Variants in MTFR1L observed in about 807,000 individuals in gnomAD.
The protein encoded by MTFR1L is mitochondrial fission regulator 1-like.
MTFR1L carries 10 observed loss-of-function variants against 27.9 expected under a neutral mutation model. The ratio of observed to expected loss-of-function variants is 0.36; its 90% CI spans 0.22 to 0.61. The LOEUF is 0.61. Ranked by LOEUF, MTFR1L falls within the 20% of genes least tolerant of loss-of-function variation. The pLI, the probability that MTFR1L is intolerant of heterozygous loss-of-function variation, is 0.73. For synonymous variants in MTFR1L, 151 were observed against 139.4 expected (o/e 1.08, Z -0.58); for missense variants, 315 against 363.7 (o/e 0.87, Z 1.09).
chr1:25,826,082 G>C lies in MTFR1L; in HGVS notation c.130-220G>C. On this transcript the variant is annotated intron_variant, in intron 3 of 6. Coordinates refer to ENST00000374303, the MANE Select transcript of MTFR1L (RefSeq NM_001099625.2). The surrounding 1 kb of genome is among the most constrained non-coding windows in gnomAD (Gnocchi z 4.1). ...ACTCTTGGTCTCAAGCATTCTGCCT[G>C]CCTCGGCCTCCCAAATGCTGGGATT... 2.0e-6 allele frequency: 1 copy of C among 496,696 alleles called. No individual in the cohort carries two copies. Among genetic ancestry groups the C allele is most frequent in the Non-Finnish European group, 3.6e-6 (1 of 274,260 alleles). The allele number at this position is 496,696 out of a possible 1,614,324, so 30.8% of individuals were successfully genotyped here.
intron 2 of MTFR1L, chr1:25,823,381 C>A: frequency 1.4e-6 from 1 of 719,630 alleles, no homozygotes; most frequent in Non-Finnish European, 2.5e-6. Context: ...TCTCTACACT[C>A]AGCTACTTCC....
chr1:25,831,629 C>A (rs1046763649), intron 6 of MTFR1L, among the ~76,000 whole-genome samples: 1 of 151,888 alleles, frequency 6.6e-6, no homozygotes, highest in East Asian at 1.9e-4. Flanking sequence ...TTACTTTGCC[C>A]ATACTTTATA....
intron 3 of MTFR1L, among the ~76,000 whole-genome samples, chr1:25,824,904 A>G (rs1270877172): frequency 6.6e-6 from 1 of 152,114 alleles, no homozygotes. Context: ...GCTCTCACAG[A>G]GCAGGAATGT....
intron 5 of MTFR1L, among the ~76,000 whole-genome samples, chr1:25,828,711 C>A (rs1572251695): frequency 6.6e-6 from 1 of 152,200 alleles, no homozygotes; most frequent in South Asian, 2.1e-4. Flanking sequence ...AGGTGGATCG[C>A]TCCCAAGATG....
rs1274430875 is a variant in MTFR1L at position 25,832,913 on chromosome 1, A to G, written c.*887A>G. Reference sequence around the variant, plus strand: ...TGTTTGGGTTGAAGCACTACCTGACATTAAAGGAAGGACTTGGAGAGAGAA... The same window carrying G: ...TGTTTGGGTTGAAGCACTACCTGACGTTAAAGGAAGGACTTGGAGAGAGAA... On this transcript the variant is annotated 3_prime_UTR_variant, in exon 7 of 7. Transcript: ENST00000374303. 6.6e-6 allele frequency: 1 copy of G among 152,428 alleles called. No individual in the cohort carries two copies. Among genetic ancestry groups the G allele is most frequent in the Admixed American group, 6.5e-5 (1 of 15,276 alleles). 9.4% of individuals were successfully genotyped at this position (152,428 alleles called of 1,614,324 possible). A position where few individuals can be genotyped will look rare whatever the true frequency, so the allele number is the denominator to read the frequency against.
chr1:25,829,429 T>G, intron 5 of MTFR1L, 80 bp from the exon 6 acceptor site: 1 of 1,272,062 alleles, frequency 7.9e-7, no homozygotes, highest in Non-Finnish European at 1.1e-6. Flanking sequence ...GAATGTTCAG[T>G]AGGCAGGGCT....
At position 25,832,407 on chromosome 1, in the gene MTFR1L, T is replaced by TCG. The variant is rs2048257548; in HGVS notation, c.*382_*383insGC. On this transcript the variant is annotated 3_prime_UTR_variant, in exon 7 of 7. Coordinates refer to ENST00000374303, the MANE Select transcript of MTFR1L (RefSeq NM_001099625.2). ...AAGACACTTTGTGCCCAGCTGTCAC[T>TCG]CACTCAGCAGCTTCCTTGCAGCAGA... is the stretch of plus-strand genomic sequence containing the variant. The TCG allele has an allele frequency of 4.6e-6, 2 of 437,362 alleles. No homozygotes were observed. The highest frequency in any genetic ancestry group is 9.7e-5 in the Admixed American group (2 of 20,676). The allele number at this position is 437,362 out of a possible 1,614,324, so 27.1% of individuals were successfully genotyped here.
At position 25,826,425 on chromosome 1, in the gene MTFR1L, T is replaced by C. The variant is rs767246551; in HGVS notation, c.239+14T>C. 1 of 1,613,370 alleles carries C rather than the reference T, an allele frequency of 6.2e-7. No individual in the cohort carries two copies. Among genetic ancestry groups the C allele is most frequent in the South Asian group, 1.1e-5 (1 of 91,064 alleles). ...TGCCCGGGTCAGGTAGTTGAGGCAG[T>C]AGCTGGTCTGCTAAGGAATGGAGAA... On this transcript the variant is annotated intron_variant, in intron 4 of 6. Transcript: ENST00000374303. This position sits in a 1 kb window ranked among gnomAD's most constrained non-coding sequence, Gnocchi z 4.1.
At chr1:25,820,551 G>C (rs1442458692) in intron 1 of MTFR1L, 1 of 359,664 alleles carries the variant, frequency 2.8e-6, no homozygotes, top group Non-Finnish European at 5.3e-6. Flanking sequence ...GGGCCCCCGG[G>C]ACCAGGGGTG....
chr1:25,821,765 C>G (rs1184881025), intron 1 of MTFR1L: 2 of 152,386 alleles, frequency 1.3e-5, no homozygotes, highest in Non-Finnish European at 2.9e-5. Flanking sequence ...ATTTCCTACT[C>G]CCTCGCAACT....
Position 25,829,438 on chromosome 1 carries a change from C to T in MTFR1L, c.452-71C>T, listed in dbSNP as rs923246367. The T allele has an allele frequency of 1.0e-5, 14 of 1,344,572 alleles. No individual in the cohort carries two copies. In the African/African-American group the frequency reaches 1.9e-4, roughly 18 times the overall value. The allele number at this position is 1,344,572 out of a possible 1,614,324, so 83.3% of individuals were successfully genotyped here. A position where few individuals can be genotyped will look rare whatever the true frequency, so the allele number is the denominator to read the frequency against. On this transcript the variant is annotated intron_variant, in intron 5 of 6. Coordinates refer to ENST00000374303, the MANE Select transcript of MTFR1L (RefSeq NM_001099625.2). Reference sequence around the variant, plus strand: ...GGAAATGAATGTTCAGTAGGCAGGGCTGTGGGGAGAAGATATTGCTACTGT... The same window carrying T: ...GGAAATGAATGTTCAGTAGGCAGGGTTGTGGGGAGAAGATATTGCTACTGT...
At chr1:25,822,817 C>T (rs1199501266) in intron 1 of MTFR1L, 6 of 603,546 alleles carry the variant, frequency 9.9e-6, no homozygotes, top group African/African-American at 1.9e-5. Flanking sequence ...TGAGCCACTG[C>T]GCCTGGCCGC....
chr1:25,829,605 CCTTT>C lies in MTFR1L; in HGVS notation c.549_552del (p.Phe184SerfsTer58). ...GGATCCTCATTCCACTCTACAACTT[CCTTT>C]GTCATTAGTGACATCACCGAGGAGA... On this transcript the variant is annotated frameshift_variant, in exon 6 of 7. Coordinates refer to ENST00000374303, the MANE Select transcript of MTFR1L (RefSeq NM_001099625.2). LOFTEE classifies it high-confidence loss of function. The C allele has an allele frequency of 1.2e-6, 2 of 1,614,236 alleles. No homozygotes were observed. Among genetic ancestry groups the C allele is most frequent in the Non-Finnish European group, 1.7e-6 (2 of 1,180,048 alleles).
chr1:25,825,633 G>T (rs2048157363), intron 3 of MTFR1L: 1 of 152,188 alleles, frequency 6.6e-6, no homozygotes, highest in Admixed American at 6.5e-5. Context: ...CTGTAACAAT[G>T]TAGATCTCAA....
Position 25,831,934 on chromosome 1 carries a change from T to C in MTFR1L, c.787T>C (p.Leu263=), listed in dbSNP as rs1339542360. 5.0e-6 allele frequency: 8 copies of C among 1,614,024 alleles called. No homozygotes were observed. The highest frequency in any genetic ancestry group is 1.3e-5 in the African/African-American group (1 of 74,914). The change falls in exon 7 of 7, where the codon TTG becomes CTG. Residue 263 remains leucine (L), a synonymous_variant. Transcript: ENST00000374303. ...TTGTGTCTCTAGGAACCGGAGTTTATTGAAGGAGGAAGACCCTGCTGTGCT... is the reference window on the plus strand; with the variant it reads ...TTGTGTCTCTAGGAACCGGAGTTTACTGAAGGAGGAAGACCCTGCTGTGCT... ...KQSQDLNRSL[L]KEEDPAVLIS...
In MTFR1L at chr1:25,826,477, A is replaced by G; in HGVS notation, c.239+66A>G. 1 of 1,591,978 alleles carries G rather than the reference A, an allele frequency of 6.3e-7. No homozygotes were observed. Among genetic ancestry groups the G allele is most frequent in the East Asian group, 2.2e-5 (1 of 44,746 alleles). On this transcript the variant is annotated intron_variant, in intron 4 of 6. Transcript: ENST00000374303. The surrounding 1 kb of genome is among the most constrained non-coding windows in gnomAD (Gnocchi z 4.1). The stretch of plus-strand genomic sequence containing the variant: ...TTCCCAGAAGAGGTGGCAGGCAGCA[A>G]GGAGAGAGGAATGAGAACTGTGGGC...
Position 25,832,050 on chromosome 1 carries a change from G to A in MTFR1L, c.*24G>A. On this transcript the variant is annotated 3_prime_UTR_variant, in exon 7 of 7. Transcript: ENST00000374303. ...GACAACCCTCAGCTCTGCAAACTCA[G>A]TCTCATGCTCCTGGAATACCTTCAA... is the stretch of plus-strand genomic sequence containing the variant. 1 of 1,614,010 alleles carries A rather than the reference G, an allele frequency of 6.2e-7. No homozygotes were observed. Among genetic ancestry groups the A allele is most frequent in the Non-Finnish European group, 8.5e-7 (1 of 1,179,950 alleles).
intron 6 of MTFR1L, among the ~76,000 whole-genome samples, chr1:25,830,724 A>G (rs2048227836): frequency 6.6e-6 from 1 of 152,176 alleles, no homozygotes; most frequent in African/African-American, 2.4e-5. Flanking sequence ...CTGAGTTGAT[A>G]AAGTTCTTGT....
chr1:25,831,894 G>T (rs1275742039), intron 6 of MTFR1L, 27 bp from the exon 7 acceptor site: 1 of 1,564,622 alleles, frequency 6.4e-7, no homozygotes, highest in Admixed American at 1.7e-5. Context: ...GAAAGAGTAA[G>T]TACTCAAGCT....
Sources: gnomAD v4.1 joint callset for allele counts (sites outside exome capture counted in the v4.1 genomes callset) on GRCh38, gnomAD v4.1.1 for gene constraint, Gnocchi (gnomAD v3.1) non-coding constraint, MANE v1.5 for transcripts, NCBI Gene and HGNC (gene_info 2026-07-23, HGNC 2026-07-21) for gene names.